The following IQSEC1 variants were observed in gnomAD, a reference collection of about 807,000 sequenced individuals.
The protein encoded by IQSEC1 is IQ motif and Sec7 domain ArfGEF 1.
In IQSEC1, 31 loss-of-function variants were observed where a neutral mutation model predicts 91.0. The observed-to-expected ratio is 0.34, with a 90% confidence interval of 0.26 to 0.46. The LOEUF is 0.46. Among genes scored for constraint, IQSEC1 ranks in the 20% least tolerant of loss-of-function variants. IQSEC1 has a pLI of 1.00. For missense variants in IQSEC1, 1,388 were observed against 1,575.6 expected (o/e 0.88, Z 2.02); for synonymous variants, 699 against 662.6 (o/e 1.05, Z -0.84).
At chr3:13,104,265 G>A (rs1197148021) in intron 2 of IQSEC1, among the ~76,000 whole-genome samples, 1 of 152,190 alleles carries the variant, frequency 6.6e-6, no homozygotes, top group African/African-American at 2.4e-5. Context: ...TGACCAGTCT[G>A]TTGGGGCAAA....
At chr3:13,130,383 T>C (rs976793001) in intron 2 of IQSEC1, among the ~76,000 whole-genome samples, 1 of 151,556 alleles carries the variant, frequency 6.6e-6, no homozygotes, top group Non-Finnish European at 1.5e-5. Context: ...AAGAAATGTA[T>C]TGTTTATTTT....
chr3:13,038,433 GA>G (rs1214997599), intron 1 of IQSEC1, among the ~76,000 whole-genome samples: 1 of 151,562 alleles, frequency 6.6e-6, no homozygotes, highest in Non-Finnish European at 1.5e-5. Context: ...TTATTTGTGG[GA>G]TCTAAAAATC....
At chr3:13,155,251 T>C (rs562562364) in intron 2 of IQSEC1, among the ~76,000 whole-genome samples, 2 of 152,284 alleles carry the variant, frequency 1.3e-5, no homozygotes, top group South Asian at 4.2e-4. Context: ...ACCACTTAGA[T>C]TGACCAAGAA....
intron 1 of IQSEC1, among the ~76,000 whole-genome samples, chr3:13,277,993 C>G (rs898819979): frequency 2.6e-5 from 4 of 152,222 alleles, no homozygotes; most frequent in African/African-American, 7.2e-5. Flanking sequence ...GACAATCCAG[C>G]CTCCGCTGCT....
At chr3:12,985,625 G>A (rs1029661932) in intron 1 of IQSEC1, among the ~76,000 whole-genome samples, 1 of 152,188 alleles carries the variant, frequency 6.6e-6, no homozygotes, top group African/African-American at 2.4e-5. Flanking sequence ...GGGTTCCCCA[G>A]GCCAGAGTGG....
At chr3:13,084,800 G>A (rs1705708312) in intron 2 of IQSEC1, among the ~76,000 whole-genome samples, 1 of 152,194 alleles carries the variant, frequency 6.6e-6, no homozygotes, top group Non-Finnish European at 1.5e-5. Flanking sequence ...CAGAACTGGG[G>A]AGGCGATAGT....
Position 13,133,042 on chromosome 3 carries a change from A to C in IQSEC1, c.302+31062T>G, listed in dbSNP as rs115566608. Among the ~76,000 whole-genome samples, 470 of 152,350 alleles carry C rather than the reference A, an allele frequency of 3.1e-3. 6 individuals carry two copies. The highest frequency in any genetic ancestry group is 5.0e-3 in the Admixed American group (76 of 15,302). ...TTGACATCAACATCGACATGGCCTG[A>C]ATGAACCTGAAGCACAGAGGTAACA... On this transcript the variant is annotated intron_variant, in intron 2 of 15. Coordinates refer to the IQSEC1 transcript ENST00000648114.
In IQSEC1 at chr3:12,899,293, C is replaced by G; in HGVS notation, c.*1690G>C. 2 of 1,373,576 alleles carry G rather than the reference C, an allele frequency of 1.5e-6. No homozygotes were observed. The highest frequency in any genetic ancestry group is 2.0e-6 in the Non-Finnish European group (2 of 988,398). 85.1% of individuals were successfully genotyped at this position (1,373,576 alleles called of 1,614,324 possible). On this transcript the variant is annotated 3_prime_UTR_variant, in exon 14 of 14. Transcript: ENST00000613206. ...CTCACCACGCTGTCCACTGGGAACG[C>G]GGCCCCGCGGCCCGCAGAGTCAGGC...
chr3:12,946,554 A>AT (rs1559659456), intron 1 of IQSEC1, among the ~76,000 whole-genome samples: 1 of 152,214 alleles, frequency 6.6e-6, no homozygotes. Flanking sequence ...GTTGTTTCTG[A>AT]TTATAAACAT....
chr3:13,127,881 T>C (rs148454185), intron 2 of IQSEC1, among the ~76,000 whole-genome samples: 8 of 152,388 alleles, frequency 5.2e-5, no homozygotes, highest in Admixed American at 2.6e-4. Flanking sequence ...TGTACATGTT[T>C]TGTTAGATTT....
chr3:12,944,795 A>G (rs1173611538), intron 1 of IQSEC1, among the ~76,000 whole-genome samples: 1 of 152,244 alleles, frequency 6.6e-6, no homozygotes, highest in African/African-American at 2.4e-5. Context: ...CTGGAGCTGA[A>G]GCAGGAAGCC....
chr3:12,968,419 C>T (rs1700741803), intron 1 of IQSEC1, among the ~76,000 whole-genome samples: 1 of 151,774 alleles, frequency 6.6e-6, no homozygotes, highest in African/African-American at 2.4e-5. Context: ...TAAAGTAATA[C>T]TAATTAGCAC....
intron 1 of IQSEC1, among the ~76,000 whole-genome samples, chr3:13,166,973 G>A (rs1433663370): frequency 2.0e-5 from 3 of 152,250 alleles, no homozygotes; most frequent in South Asian, 2.1e-4. Flanking sequence ...GGAGAAAAGC[G>A]AGAGGGGCTG....
chr3:12,944,180 T>A (rs1699010117), intron 1 of IQSEC1, among the ~76,000 whole-genome samples: 1 of 152,172 alleles, frequency 6.6e-6, no homozygotes, highest in Admixed American at 6.5e-5. Context: ...ATTCTCCACA[T>A]CATGAGAGTC....
chr3:13,244,344 T>C (rs944909311), intron 1 of IQSEC1, among the ~76,000 whole-genome samples: 1 of 152,184 alleles, frequency 6.6e-6, no homozygotes, highest in Admixed American at 6.5e-5. Flanking sequence ...AATACTACCA[T>C]GTCTATTTTT....
chr3:13,199,522 C>G (rs534091570), intron 1 of IQSEC1, among the ~76,000 whole-genome samples: 39 of 152,152 alleles, frequency 2.6e-4, no homozygotes, highest in African/African-American at 8.2e-4. Context: ...TGAGCAGCAC[C>G]GGTGTCCCTG....
intron 1 of IQSEC1, among the ~76,000 whole-genome samples, chr3:13,257,243 C>A (rs986309205): frequency 6.6e-6 from 1 of 152,272 alleles, no homozygotes; most frequent in East Asian, 1.9e-4. Context: ...GTCATTCTCA[C>A]GGGCATGATT....
intron 1 of IQSEC1, among the ~76,000 whole-genome samples, chr3:13,202,086 C>A (rs1350564419): frequency 3.3e-5 from 5 of 152,216 alleles, no homozygotes; most frequent in Admixed American, 3.3e-4. Flanking sequence ...ACTCATTCTA[C>A]CACGTGCAAA....
intron 1 of IQSEC1, among the ~76,000 whole-genome samples, chr3:12,991,214 A>G (rs1167340163): frequency 6.6e-6 from 1 of 152,188 alleles, no homozygotes; most frequent in Non-Finnish European, 1.5e-5. Context: ...GACTCAGGGC[A>G]GGATTTGCCA....
Sources: allele counts gnomAD v4.1 joint callset (sites outside exome capture counted in the v4.1 genomes callset), GRCh38; gene constraint gnomAD v4.1.1; transcripts MANE v1.5; gene names NCBI Gene and HGNC (gene_info 2026-07-23, HGNC 2026-07-21).